The following NPSR1 variants were observed in gnomAD, a reference collection of about 807,000 sequenced individuals.
The protein encoded by NPSR1 is neuropeptide S receptor 1, also known as neuropeptide S receptor.
In NPSR1, 48 loss-of-function variants were observed where a neutral mutation model predicts 46.9. That is an observed-to-expected ratio of 1.02 (90% CI 0.81 to 1.30). The LOEUF is 1.30. Ranked by LOEUF, NPSR1 falls within the 50% of genes most tolerant of loss-of-function variation. The pLI is 0.00. For synonymous variants in NPSR1, 176 were observed against 168.1 expected (o/e 1.05, Z -0.36); for missense variants, 450 against 449.5 (o/e 1.00, Z -0.01).
intron 1 of NPSR1, among the ~76,000 whole-genome samples, chr7:34,668,072 T>C (rs916909538): frequency 1.3e-5 from 2 of 152,124 alleles, no homozygotes; most frequent in African/African-American, 2.4e-5. Flanking sequence ...TGGAGTTCCT[T>C]AAAGAAGCCA....
At chr7:34,721,224 T>C (rs995418060) in intron 2 of NPSR1, among the ~76,000 whole-genome samples, 2 of 152,112 alleles carry the variant, frequency 1.3e-5, no homozygotes, top group Non-Finnish European at 2.9e-5. Context: ...AATCCATTCC[T>C]GGAAAGACAA....
intron 2 of NPSR1, among the ~76,000 whole-genome samples, chr7:34,754,117 C>T (rs1785689737): frequency 6.6e-6 from 1 of 152,138 alleles, no homozygotes; most frequent in African/African-American, 2.4e-5. Context: ...AGAACTTCCA[C>T]CCATCTCCTC....
intron 2 of NPSR1, chr7:34,751,190 C>G: frequency 9.0e-7 from 1 of 1,112,512 alleles, no homozygotes; most frequent in Non-Finnish European, 1.4e-6. Context: ...CAGGGGTCCA[C>G]CAGATTGGGA....
chr7:34,767,681 A>G (rs984384609), intron 2 of NPSR1, among the ~76,000 whole-genome samples: 4 of 152,208 alleles, frequency 2.6e-5, no homozygotes, highest in African/African-American at 9.6e-5. Flanking sequence ...GAAGGAGAAG[A>G]GAGAATGGGC....
chr7:34,735,433 C>T (rs1490864291), intron 2 of NPSR1, among the ~76,000 whole-genome samples: 1 of 147,464 alleles, frequency 6.8e-6, no homozygotes, highest in East Asian at 2.2e-4. Context: ...GAGCCCTCTT[C>T]CCCTCCTCTG....
chr7:34,736,606 T>C (rs1784678264), intron 2 of NPSR1, among the ~76,000 whole-genome samples: 1 of 152,016 alleles, frequency 6.6e-6, no homozygotes, highest in Admixed American at 6.6e-5. Flanking sequence ...TATTTATCTA[T>C]CTATTTATTT....
chr7:34,868,893 C>T (rs1303784391), intron 8 of NPSR1, among the ~76,000 whole-genome samples: 2 of 151,730 alleles, frequency 1.3e-5, no homozygotes, highest in Non-Finnish European at 2.9e-5. Context: ...AGGCCTGAAT[C>T]AGGGTGGCCC....
At chr7:34,852,241 A>T (rs367834868), downstream of NPSR1, among the ~76,000 whole-genome samples, 6 of 152,270 alleles carry the variant, frequency 3.9e-5, no homozygotes, top group South Asian at 1.2e-3. Flanking sequence ...CGGAGCTTGC[A>T]GTGAGCCGAG....
At chr7:34,790,263 A>G (rs1158210636) in intron 3 of NPSR1, among the ~76,000 whole-genome samples, 1 of 152,166 alleles carries the variant, frequency 6.6e-6, no homozygotes, top group Admixed American at 6.6e-5. Context: ...AAAATGAAAG[A>G]TAAAAGGCAT....
intron 3 of NPSR1, among the ~76,000 whole-genome samples, chr7:34,784,822 C>T (rs1787387688): frequency 6.6e-6 from 1 of 152,042 alleles, no homozygotes; most frequent in African/African-American, 2.4e-5. Context: ...AAATCAAAAC[C>T]ACAATGAGAT....
chr7:34,820,610 C>T (rs1366925369), intron 4 of NPSR1, among the ~76,000 whole-genome samples: 1 of 152,066 alleles, frequency 6.6e-6, no homozygotes, highest in Non-Finnish European at 1.5e-5. Flanking sequence ...AGAATATGTG[C>T]CCAAGGTGGT....
At chr7:34,787,952 C>A (rs1787538904) in intron 3 of NPSR1, among the ~76,000 whole-genome samples, 1 of 151,768 alleles carries the variant, frequency 6.6e-6, no homozygotes, top group African/African-American at 2.4e-5. Context: ...ATGAAATAAA[C>A]ACATAGTGCT....
At chr7:34,726,870 A>AT (rs1473509643) in intron 2 of NPSR1, among the ~76,000 whole-genome samples, 3 of 151,612 alleles carry the variant, frequency 2.0e-5, no homozygotes, top group African/African-American at 7.3e-5. Flanking sequence ...AGGGGGAGGG[A>AT]TTAATCAGCA....
chr7:34,849,835 A>C lies in NPSR1; in HGVS notation c.*180A>C. 7.4e-7 allele frequency: 1 copy of C among 1,357,620 alleles called. No homozygotes were observed. Among genetic ancestry groups the C allele is most frequent in the South Asian group, 1.7e-5 (1 of 57,320 alleles). 84.1% of individuals were successfully genotyped at this position (1,357,620 alleles called of 1,614,324 possible). ...ACTGCTTAAGTATTGGCCAACACGA[A>C]CTCCCCAGTTATTCATGCCAGCCAG... On this transcript the variant is annotated 3_prime_UTR_variant, in exon 9 of 9. Coordinates refer to ENST00000360581, the MANE Select transcript of NPSR1 (RefSeq NM_207172.2).
At position 34,773,932 on chromosome 7, in the gene NPSR1, C is replaced by A. The variant is rs141152761; in HGVS notation, c.281-4530C>A. Among the ~76,000 whole-genome samples the A allele has an allele frequency of 3.4e-3, 521 of 152,240 alleles. 3 individuals carry two copies. The highest frequency in any genetic ancestry group is 0.012 in the African/African-American group (506 of 41,538). On this transcript the variant is annotated intron_variant, in intron 2 of 8. Transcript: ENST00000360581. ...AAATCTTCACACATTGTGCCCACTC[C>A]CATAGTCCCAACCACATGTCTCTGT...
chr7:34,745,685 AT>A (rs568612191), intron 2 of NPSR1, among the ~76,000 whole-genome samples: 2 of 151,338 alleles, frequency 1.3e-5, no homozygotes, highest in South Asian at 2.1e-4. Flanking sequence ...AGCCCAGCTA[AT>A]TTTTTTTTCT....
chr7:34,797,435 T>C (rs985417114), intron 3 of NPSR1, among the ~76,000 whole-genome samples: 1 of 151,592 alleles, frequency 6.6e-6, no homozygotes, highest in Non-Finnish European at 1.5e-5. Flanking sequence ...GGACAGGGGG[T>C]TTATGGGAAA....
At chr7:34,712,239 T>C (rs1043720344) in intron 2 of NPSR1, among the ~76,000 whole-genome samples, 2 of 152,212 alleles carry the variant, frequency 1.3e-5, no homozygotes, top group African/African-American at 2.4e-5. Flanking sequence ...ACACATGATA[T>C]ATACTTACAT....
chr7:34,669,022 A>G (rs553169083), intron 1 of NPSR1, among the ~76,000 whole-genome samples: 1 of 152,300 alleles, frequency 6.6e-6, no homozygotes, highest in African/African-American at 2.4e-5. Flanking sequence ...TGAGAAGATA[A>G]GTTCACATAA....
Sources: allele counts gnomAD v4.1 joint callset (sites outside exome capture counted in the v4.1 genomes callset), GRCh38; gene constraint gnomAD v4.1.1; transcripts MANE v1.5; gene names NCBI Gene and HGNC (gene_info 2026-07-23, HGNC 2026-07-21).